The following CNTN6 variants were observed in gnomAD, a reference collection of about 807,000 sequenced individuals.
CNTN6 encodes the protein contactin-6.
A neutral mutation model predicts 122.8 loss-of-function variants in CNTN6; 137 were observed. The observed-to-expected ratio is 1.12, with a 90% CI of 0.97 to 1.29. The LOEUF is 1.29. Among genes scored for constraint, CNTN6 ranks in the 50% most tolerant of loss-of-function variants. The pLI is 0.00. For synonymous variants in CNTN6, 570 were observed against 426.0 expected (o/e 1.34, Z -4.16); for missense variants, 1,634 against 1,223.4 (o/e 1.34, Z -5.01).
chr3:1,318,299 A>C (rs1474942402), intron 7 of CNTN6, among the ~76,000 whole-genome samples: 2 of 137,670 alleles, frequency 1.5e-5, no homozygotes, highest in Non-Finnish European at 3.1e-5. Context: ...ATGGTTTTTC[A>C]CAATGGTTCT....
chr3:1,144,578 T>TA (rs202172218), intron 1 of CNTN6, among the ~76,000 whole-genome samples: 3 of 109,784 alleles, frequency 2.7e-5, no homozygotes, highest in African/African-American at 1.2e-4. Flanking sequence ...TCCATCTCAT[T>TA]AAAAAATAAT....
In CNTN6 at chr3:1,250,285, A is replaced by C. The variant is rs1477802590; in HGVS notation, c.358+22292A>C. ...TTCAAACACAACACTGGCATTTCAA[A>C]GCATGTCCCAGGTGGCAGATGTCCT... On this transcript the variant is annotated intron_variant, in intron 4 of 22. Transcript: ENST00000446702. Among the ~76,000 whole-genome samples the C allele has an allele frequency of 2.6e-5, 4 of 152,218 alleles. No individual in the cohort carries two copies. The East Asian group carries it at 7.7e-4, about 29-fold the overall frequency.
intron 12 of CNTN6, among the ~76,000 whole-genome samples, chr3:1,357,140 G>A (rs894313668): frequency 1.3e-5 from 2 of 151,602 alleles, no homozygotes; most frequent in African/African-American, 4.8e-5. Context: ...ATACAGCATA[G>A]GTTTTACCAC....
intron 2 of CNTN6, among the ~76,000 whole-genome samples, chr3:1,160,042 A>C (rs921959092): frequency 3.3e-5 from 5 of 151,940 alleles, no homozygotes; most frequent in Non-Finnish European, 7.4e-5. Flanking sequence ...GCTGGTCTTG[A>C]ACTCCTGACC....
intron 1 of CNTN6, among the ~76,000 whole-genome samples, chr3:1,133,474 T>A (rs1358347151): frequency 2.0e-5 from 3 of 152,206 alleles, no homozygotes; most frequent in African/African-American, 7.2e-5. Context: ...TAGCCCCATT[T>A]TACTGATGAG....
At chr3:1,120,052 C>G (rs180851416) in intron 1 of CNTN6, among the ~76,000 whole-genome samples, 2 of 152,128 alleles carry the variant, frequency 1.3e-5, no homozygotes, top group Non-Finnish European at 2.9e-5. Flanking sequence ...TTACACAAAT[C>G]ACTACCTTTT....
intron 20 of CNTN6, among the ~76,000 whole-genome samples, chr3:1,390,473 T>A (rs1223371315): frequency 6.6e-6 from 1 of 151,196 alleles, no homozygotes; most frequent in Non-Finnish European, 1.5e-5. Flanking sequence ...GATCCAAAAT[T>A]GACACCCTAA....
intron 12 of CNTN6, among the ~76,000 whole-genome samples, chr3:1,356,132 C>G (rs1393674487): frequency 2.0e-5 from 3 of 151,838 alleles, no homozygotes; most frequent in Admixed American, 1.3e-4. Context: ...TGTACATACA[C>G]TAAGAGGTAT....
At chr3:1,097,899 A>C (rs1454213072) in intron 1 of CNTN6, among the ~76,000 whole-genome samples, 1 of 152,180 alleles carries the variant, frequency 6.6e-6, no homozygotes, top group Non-Finnish European at 1.5e-5. Flanking sequence ...ATTATCATCT[A>C]ATCAATTGTA....
At chr3:1,114,923 A>G (rs1240103567) in intron 1 of CNTN6, among the ~76,000 whole-genome samples, 2 of 152,202 alleles carry the variant, frequency 1.3e-5, no homozygotes, top group African/African-American at 2.4e-5. Flanking sequence ...GAAGCTGGGC[A>G]TCTTAGGAGG....
At chr3:1,235,787 T>C (rs2094413632) in intron 4 of CNTN6, among the ~76,000 whole-genome samples, 1 of 152,070 alleles carries the variant, frequency 6.6e-6, no homozygotes, top group African/African-American at 2.4e-5. Flanking sequence ...GCTTTCTCAA[T>C]AGGGAGGCTG....
chr3:1,355,384 A>G (rs1448737083), intron 12 of CNTN6, among the ~76,000 whole-genome samples: 1 of 151,708 alleles, frequency 6.6e-6, no homozygotes, highest in African/African-American at 2.4e-5. Flanking sequence ...TATTATTACC[A>G]TGTCCTCTTA....
chr3:1,381,971 T>C (rs1381013855), intron 17 of CNTN6, among the ~76,000 whole-genome samples: 1 of 462 alleles, frequency 2.2e-3, no homozygotes, highest in Non-Finnish European at 4.0e-3. Context: ...AAGTGGCAAG[T>C]AGATAGTGTG....
chr3:1,093,257 CT>C (rs1410638163), intron 1 of CNTN6, 137 bp downstream of exon 1: 6 of 174,268 alleles, frequency 3.4e-5, no homozygotes, highest in African/African-American at 1.2e-4. Context: ...GAAGTCACTG[CT>C]TTATTGATGC....
chr3:1,193,171 C>T (rs1444810258), intron 2 of CNTN6, among the ~76,000 whole-genome samples: 1 of 152,132 alleles, frequency 6.6e-6, no homozygotes, highest in African/African-American at 2.4e-5. Flanking sequence ...CAGGTTAACA[C>T]AATCAGGTTT....
chr3:1,314,346 G>A (rs1365264596), intron 7 of CNTN6, among the ~76,000 whole-genome samples: 2 of 152,010 alleles, frequency 1.3e-5, no homozygotes, highest in Non-Finnish European at 2.9e-5. Context: ...CCCACTGACA[G>A]GATTTCCTGA....
At chr3:1,400,108 A>C (rs1695497203) in intron 20 of CNTN6, among the ~76,000 whole-genome samples, 1 of 152,134 alleles carries the variant, frequency 6.6e-6, no homozygotes, top group Non-Finnish European at 1.5e-5. Context: ...TGAAAGAAAT[A>C]GTTTCCACTT....
chr3:1,231,536 T>G (rs1323127874), intron 4 of CNTN6, among the ~76,000 whole-genome samples: 2 of 152,212 alleles, frequency 1.3e-5, no homozygotes, highest in Non-Finnish European at 2.9e-5. Context: ...AGACACAGAC[T>G]GTAACACTCT....
chr3:1,214,603 C>A (rs1226444539), intron 2 of CNTN6, among the ~76,000 whole-genome samples: 1 of 152,118 alleles, frequency 6.6e-6, no homozygotes, highest in East Asian at 1.9e-4. Context: ...AGCCACTGTG[C>A]CCGGCTCAGA....
Sources: gnomAD v4.1 joint callset for allele counts (sites outside exome capture counted in the v4.1 genomes callset) on GRCh38, gnomAD v4.1.1 for gene constraint, MANE v1.5 for transcripts, NCBI Gene and HGNC (gene_info 2026-07-23, HGNC 2026-07-21) for gene names.